The following ZNF236 variants were observed in gnomAD, a reference collection of about 807,000 sequenced individuals.
ZNF236 encodes the protein zinc finger protein 236.
ZNF236 carries 50 observed loss-of-function variants against 191.2 expected under a neutral mutation model. The ratio of observed to expected loss-of-function variants is 0.26; its 90% CI spans 0.21 to 0.33. The LOEUF is 0.33. Ranked by LOEUF, ZNF236 falls within the 10% of genes least tolerant of loss-of-function variation. The probability of loss-of-function intolerance (pLI) is 1.00; values close to 1 mark genes in which losing one functional copy is unlikely to be tolerated. For synonymous variants in ZNF236, 907 were observed against 928.8 expected (o/e 0.98, Z 0.43); for missense variants, 1,754 against 2,374.5 (o/e 0.74, Z 5.43).
chr18:76,965,797 T>C (rs757800785), intron 30 of ZNF236, among the ~76,000 whole-genome samples: 107 of 151,568 alleles, frequency 7.1e-4, no homozygotes, highest in Middle Eastern at 3.4e-3. Flanking sequence ...GGCAGGGGGG[T>C]GAAATGGACT....
At chr18:76,860,368 GA>G (rs1390687160) in intron 3 of ZNF236, among the ~76,000 whole-genome samples, 2 of 152,240 alleles carry the variant, frequency 1.3e-5, no homozygotes, top group African/African-American at 2.4e-5. Context: ...AGTTCCTTCA[GA>G]TGTGCCTTTT....
chr18:76,884,258 G>C (rs1367934663), intron 9 of ZNF236, among the ~76,000 whole-genome samples: 1 of 151,978 alleles, frequency 6.6e-6, no homozygotes, highest in Non-Finnish European at 1.5e-5. Flanking sequence ...AAAATTAGCT[G>C]GGTGTGGTAG....
intron 7 of ZNF236, among the ~76,000 whole-genome samples, chr18:76,879,048 T>C (rs1976796215): frequency 6.6e-6 from 1 of 152,234 alleles, no homozygotes; most frequent in African/African-American, 2.4e-5. Flanking sequence ...AATAATTATG[T>C]CTTCAAAATT....
rs116227975 is a variant in ZNF236, at chr18:76,939,137, G to A, written c.4782+1794G>A. On this transcript the variant is annotated intron_variant, in intron 26 of 30. Coordinates refer to ENST00000320610, the MANE Select transcript of ZNF236 (RefSeq NM_001306089.2). Reference sequence around the variant, plus strand: ...GGCTTGAGGTGAGGAGTTTGAGACCGGCCTGGCCAACATGGGGAAACTCCG... The same window carrying A: ...GGCTTGAGGTGAGGAGTTTGAGACCAGCCTGGCCAACATGGGGAAACTCCG... Among the ~76,000 whole-genome samples the A allele has an allele frequency of 4.2e-3, 636 of 152,114 alleles. 7 individuals are homozygous for A. The highest frequency in any genetic ancestry group is 0.014 in the African/African-American group (591 of 41,474).
chr18:76,915,694 A>C lies in ZNF236; in HGVS notation c.3109A>C (p.Asn1037His). 1.9e-6 allele frequency: 3 copies of C among 1,614,174 alleles called. No individual in the cohort carries two copies. The highest frequency in any genetic ancestry group is 2.5e-6 in the Non-Finnish European group (3 of 1,180,030). ...TGTGTGCAATGCTTCCTTCACCACC[A>C]ATGGCAGCCTCACCCGGCACATGGC... Reference protein sequence around the residue: ...CSVCNASFTTNGSLTRHMATH... With the variant: ...CSVCNASFTTHGSLTRHMATH... Residue 1037 changes from asparagine (N) to histidine (H), a missense_variant, in exon 19 of 31, where the codon AAT becomes CAT. Physicochemically the swap from Asn to His is moderately conservative, Grantham distance 68 (BLOSUM62 1). This residue lies in a region of ZNF236 where 641 missense variants were observed against 869.6 expected (regional missense o/e 0.74). Transcript: ENST00000320610.
chr18:76,880,162 C>T lies in ZNF236; in HGVS notation c.1034C>T (p.Thr345Met), dbSNP rs763616403. 9 of 1,614,124 alleles carry T rather than the reference C, an allele frequency of 5.6e-6. No homozygotes were observed. Among genetic ancestry groups the T allele is most frequent in the South Asian group, 3.3e-5 (3 of 91,084 alleles). ...CTTCAACAGACGGAAGCCCAAGCCA[C>T]GTCGGCCTCAAGCCAGCCGAGCTCC... Reference protein sequence around the residue: ...LPLQQTEAQATSASSQPSSQA... With the variant: ...LPLQQTEAQAMSASSQPSSQA... The change falls in exon 8 of 31, where the codon ACG (threonine) becomes ATG (methionine). Residue 345 changes from threonine to methionine, a missense_variant. By Grantham distance (81) the Thr-to-Met change is moderately conservative. Transcript: ENST00000320610. The surrounding 1 kb of genome is among the most constrained non-coding windows in gnomAD (Gnocchi z 5.0).
intron 18 of ZNF236, among the ~76,000 whole-genome samples, chr18:76,914,806 T>C (rs1967312996): frequency 6.6e-6 from 1 of 152,246 alleles, no homozygotes; most frequent in African/African-American, 2.4e-5. Flanking sequence ...TAAAAATATT[T>C]TTAACATATT....
intron 10 of ZNF236, among the ~76,000 whole-genome samples, chr18:76,895,954 A>T (rs2122707946): frequency 6.6e-6 from 1 of 151,946 alleles, no homozygotes; most frequent in Non-Finnish European, 1.5e-5. Flanking sequence ...ACAGTACCAC[A>T]CACAAGTATG....
intron 7 of ZNF236, among the ~76,000 whole-genome samples, chr18:76,878,842 T>G (rs1976790079): frequency 1.3e-5 from 2 of 152,250 alleles, no homozygotes; most frequent in Admixed American, 1.3e-4. Flanking sequence ...CTTGGTTGTA[T>G]TATGTCAACA....
chr18:76,910,829 G>A lies in ZNF236; in HGVS notation c.2805+18G>A. ...TGAATGTAGTGAGTATGGACAGAGG[G>A]GTGCATACATGGCAGTATTTAGCAG... is the stretch of plus-strand genomic sequence containing the variant. On this transcript the variant is annotated intron_variant, in intron 16 of 30. Transcript: ENST00000320610. 2 of 1,612,276 alleles carry A rather than the reference G, an allele frequency of 1.2e-6. No homozygotes were observed. Among genetic ancestry groups the A allele is most frequent in the South Asian group, 1.1e-5 (1 of 90,758 alleles).
At chr18:76,851,134 A>G (rs1164659743) in intron 2 of ZNF236, among the ~76,000 whole-genome samples, 1 of 127,758 alleles carries the variant, frequency 7.8e-6, no homozygotes, top group Non-Finnish European at 1.8e-5. Context: ...ACATTATTAG[A>G]ATATGTTTCT....
At chr18:76,912,690 T>C (rs1967249796) in intron 17 of ZNF236, among the ~76,000 whole-genome samples, 1 of 152,266 alleles carries the variant, frequency 6.6e-6, no homozygotes, top group South Asian at 2.1e-4. Flanking sequence ...TTCAAGACTC[T>C]TCATGTGCTT....
intron 1 of ZNF236, among the ~76,000 whole-genome samples, chr18:76,825,630 AT>A (rs1215615168): frequency 6.7e-6 from 1 of 149,842 alleles, no homozygotes; most frequent in Non-Finnish European, 1.5e-5. Context: ...GGGAAGACAT[AT>A]TTTTCATAAA....
At position 76,908,428 on chromosome 18, in the gene ZNF236, C is replaced by G; in HGVS notation, c.2406C>G (p.Ile802Met). ...MQASTQMQVE[I>M]ESDELPQTAE... is the part of the protein sequence containing the mutation. ...CCTCCACTCAAATGCAGGTGGAGAT[C>G]GAGAGCGACGAGCTGCCGCAGACGG... The change falls in exon 14 of 31, where the codon ATC becomes ATG. Residue 802 changes from isoleucine (I) to methionine (M), a missense_variant. Ile to Met is a conservative substitution (Grantham distance 10). Around this residue, in one of 5 missense-constraint regions of ZNF236, gnomAD observed 641 missense variants for 869.6 expected, o/e 0.74. Transcript: ENST00000320610. 3.1e-6 allele frequency: 5 copies of G among 1,614,202 alleles called. No homozygotes were observed. Among genetic ancestry groups the G allele is most frequent in the Non-Finnish European group, 3.4e-6 (4 of 1,180,052 alleles).
chr18:76,939,284 G>T (rs1968073008), intron 26 of ZNF236, among the ~76,000 whole-genome samples: 1 of 152,172 alleles, frequency 6.6e-6, no homozygotes, highest in South Asian at 2.1e-4. Context: ...TGTGAGCTGA[G>T]ATCGCACCTC....
At chr18:76,836,999 TGGAGTA>T (rs1018530152) in intron 1 of ZNF236, among the ~76,000 whole-genome samples, 10 of 151,856 alleles carry the variant, frequency 6.6e-5, no homozygotes, top group African/African-American at 2.2e-4. Context: ...CCTCAGCCTC[TGGAGTA>T]GCTGGGATTG....
Position 76,881,265 on chromosome 18 carries a change from T to A in ZNF236, c.1189-19T>A. On this transcript the variant is annotated intron_variant, in intron 8 of 30. Transcript: ENST00000320610. ...GGGCCATCGTTACCTTCTAACCTTT[T>A]AGTTTTGTTCTGTCTTAGCAAGCCT... 1 of 1,607,768 alleles carries A rather than the reference T, an allele frequency of 6.2e-7. No individual in the cohort carries two copies. The highest frequency in any genetic ancestry group is 1.1e-5 in the South Asian group (1 of 89,582).
intron 16 of ZNF236, among the ~76,000 whole-genome samples, chr18:76,911,840 C>T (rs933751771): frequency 4.6e-5 from 7 of 152,204 alleles, no homozygotes; most frequent in Admixed American, 2.6e-4. Context: ...TGGTACCGTT[C>T]TTGGGGATGG....
rs1255208186 is a variant in ZNF236 at position 76,913,868 on chromosome 18, G to A, written c.3031G>A (p.Val1011Ile). The A allele has an allele frequency of 6.2e-7, 1 of 1,614,184 alleles. No homozygotes were observed. The highest frequency in any genetic ancestry group is 1.7e-5 in the Admixed American group (1 of 60,030). The change falls in exon 18 of 31, where the codon GTC becomes ATC. Residue 1011 changes from valine (V) to isoleucine (I), a missense_variant. Physicochemically the swap from Val to Ile is conservative, Grantham distance 29. Coordinates refer to ENST00000320610, the MANE Select transcript of ZNF236 (RefSeq NM_001306089.2). ...LCGRGFVSSG[V>I]LKSHEKTHTG... ...TGGACGCGGCTTTGTTTCCTCTGGG[G>A]TCCTCAAGTCCCACGAGAAGACACA...
Sources: allele counts gnomAD v4.1 joint callset (sites outside exome capture counted in the v4.1 genomes callset), GRCh38; gene constraint gnomAD v4.1.1; regional missense constraint gnomAD v4.1.1; non-coding constraint Gnocchi (gnomAD v3.1); transcripts MANE v1.5; gene names NCBI Gene and HGNC (gene_info 2026-07-23, HGNC 2026-07-21).